PMM2: variants seen among roughly 807,000 people sequenced by gnomAD.
PMM2 encodes the protein phosphomannomutase 2.
A neutral mutation model predicts 33.2 loss-of-function variants in PMM2; 35 were observed. That is an observed-to-expected ratio of 1.06 (90% CI 0.81 to 1.40). PMM2 has a LOEUF of 1.40. PMM2 is among the 40% of genes most tolerant of loss of function. The pLI is 0.00. For synonymous variants in PMM2, 153 were observed against 114.7 expected (o/e 1.33, Z -2.13); for missense variants, 386 against 306.0 (o/e 1.26, Z -1.95).
chr16:8,804,031 G>GTTTTTTGTTTTTTTTTT (rs778630854), intron 2 of PMM2, among the ~76,000 whole-genome samples: 3 of 87,490 alleles, frequency 3.4e-5, no homozygotes, highest in Non-Finnish European at 6.9e-5. Flanking sequence ...GGTTTTTTTT[G>GTTTTTTGTTTTTTTTTT]TTTTTTTTTT....
At chr16:8,807,777 T>C (rs947427483) in intron 4 of PMM2, 7 of 152,438 alleles carry the variant, frequency 4.6e-5, no homozygotes, top group African/African-American at 1.7e-4. Context: ...TTACAGGCAT[T>C]AGCCACTGCC....
chr16:8,829,518 A>G (rs1358835085), intron 7 of PMM2, among the ~76,000 whole-genome samples: 1 of 152,224 alleles, frequency 6.6e-6, no homozygotes, highest in South Asian at 2.1e-4. Flanking sequence ...GCCAGAGCAG[A>G]GTACACATGA....
intron 7 of PMM2, among the ~76,000 whole-genome samples, chr16:8,827,718 G>GTATATA (rs1567164534): frequency 4.9e-4 from 21 of 42,820 alleles, no homozygotes; most frequent in African/African-American, 2.1e-3. Context: ...TTAAATGTGT[G>GTATATA]CATATATATA....
intron 7 of PMM2, among the ~76,000 whole-genome samples, chr16:8,837,605 A>G (rs977812901): frequency 1.3e-5 from 2 of 151,376 alleles, no homozygotes; most frequent in African/African-American, 4.9e-5. Flanking sequence ...GAGATATAAG[A>G]GATTGGGGCG....
chr16:8,840,343 G>A (rs903885378), intron 7 of PMM2, among the ~76,000 whole-genome samples: 2 of 151,990 alleles, frequency 1.3e-5, no homozygotes, highest in Non-Finnish European at 2.9e-5. Flanking sequence ...GTGGCAGTTT[G>A]GGGATAGCAC....
At position 8,836,378 on chromosome 16, in the gene PMM2, T is replaced by C. The variant is rs192813938; in HGVS notation, c.640-11346T>C. Reference sequence around the variant, plus strand: ...TGGCTGCCAGGTGAGTTGAACAGTCTGATTTTCATGGGGTCCCGCACAGAT... The same window carrying C: ...TGGCTGCCAGGTGAGTTGAACAGTCCGATTTTCATGGGGTCCCGCACAGAT... On this transcript the variant is annotated intron_variant, in intron 7 of 7. Transcript: ENST00000268261. Among the ~76,000 whole-genome samples, 171 of 152,100 alleles carry C rather than the reference T, an allele frequency of 1.1e-3. 1 individual carries two copies. The highest frequency in any genetic ancestry group is 4.0e-3 in the African/African-American group (165 of 41,532).
At chr16:8,833,405 T>G (rs2141039343) in intron 7 of PMM2, among the ~76,000 whole-genome samples, 1 of 152,328 alleles carries the variant, frequency 6.6e-6, no homozygotes, top group South Asian at 2.1e-4. Flanking sequence ...CTTCAGGCCA[T>G]CTGGATGTAT....
At chr16:8,808,275 T>C (rs1441307918) in intron 4 of PMM2, 2 of 152,142 alleles carry the variant, frequency 1.3e-5, no homozygotes, top group African/African-American at 4.8e-5. Flanking sequence ...TGTTTACTTT[T>C]GTGTGTGTTA....
At chr16:8,843,456 G>C (rs1168020593) in intron 7 of PMM2, among the ~76,000 whole-genome samples, 1 of 152,166 alleles carries the variant, frequency 6.6e-6, no homozygotes, top group Non-Finnish European at 1.5e-5. Context: ...TTTCCAGTGG[G>C]GTCCCGCACA....
At chr16:8,829,978 G>C (rs76819543) in intron 7 of PMM2, among the ~76,000 whole-genome samples, 6,923 of 152,336 alleles carry the variant, frequency 0.045, 234 homozygotes, top group Middle Eastern at 0.13. Flanking sequence ...CCACCTAATA[G>C]AGCTAGAGAT....
At chr16:8,802,125 T>G in intron 2 of PMM2, 1 of 546,720 alleles carries the variant, frequency 1.8e-6, no homozygotes, top group South Asian at 1.5e-5. Flanking sequence ...CTCAGATGTG[T>G]GAGTAGATTC....
At chr16:8,837,729 TC>T (rs1342317086) in intron 7 of PMM2, among the ~76,000 whole-genome samples, 1 of 151,978 alleles carries the variant, frequency 6.6e-6, no homozygotes, top group Non-Finnish European at 1.5e-5. Flanking sequence ...TACTTGCCTC[TC>T]CGCCAGAAAA....
At chr16:8,832,363 T>G in intron 7 of PMM2, 1 of 985,424 alleles carries the variant, frequency 1.0e-6, no homozygotes, top group Non-Finnish European at 1.2e-6. Context: ...TTCACCTTCC[T>G]GGATGGGAAT....
chr16:8,832,737 C>T, intron 7 of PMM2: 2 of 985,358 alleles, frequency 2.0e-6, no homozygotes, highest in Non-Finnish European at 2.4e-6. Flanking sequence ...TTGCAGGCTT[C>T]AGGCGGCTAC....
intron 1 of PMM2, 110 bp downstream of exon 1, chr16:8,798,058 A>G (rs2060589766): frequency 9.8e-7 from 1 of 1,022,094 alleles, no homozygotes; most frequent in Non-Finnish European, 1.5e-6. Flanking sequence ...AGGACCGCCT[A>G]CGTCCTCACG....
At chr16:8,828,280 T>C (rs2060790049) in intron 7 of PMM2, among the ~76,000 whole-genome samples, 1 of 151,944 alleles carries the variant, frequency 6.6e-6, no homozygotes, top group African/African-American at 2.4e-5. Flanking sequence ...AAAAGAAAAT[T>C]TAAGGCAGAT....
chr16:8,813,210 C>T lies in PMM2; in HGVS notation c.639+104C>T, dbSNP rs2060687784. On this transcript the variant is annotated intron_variant, in intron 7 of 7. Coordinates refer to ENST00000268261, the MANE Select transcript of PMM2 (RefSeq NM_000303.3). Reference sequence around the variant, plus strand: ...CTGTACCTACACTTTACCCACCCGCCCTGCTCAAACTGAGCAGTGGCTTCT... The same window carrying T: ...CTGTACCTACACTTTACCCACCCGCTCTGCTCAAACTGAGCAGTGGCTTCT... The T allele has an allele frequency of 3.8e-6, 3 of 794,968 alleles. No individual in the cohort carries two copies. In the South Asian group the frequency reaches 4.1e-5, roughly 11 times the overall value. The allele number at this position is 794,968 out of a possible 1,614,324, so 49.2% of individuals were successfully genotyped here.
chr16:8,809,331 T>C (rs564159935), intron 4 of PMM2: 4 of 152,372 alleles, frequency 2.6e-5, no homozygotes, highest in African/African-American at 9.6e-5. Context: ...GAAGACACTT[T>C]TCACTGCATA....
chr16:8,816,102 A>G (rs2060706746), intron 7 of PMM2, among the ~76,000 whole-genome samples: 1 of 152,008 alleles, frequency 6.6e-6, no homozygotes, highest in Admixed American at 6.6e-5. Context: ...AATGAGATAA[A>G]CCTCACACCT....
Sources: allele counts gnomAD v4.1 joint callset (sites outside exome capture counted in the v4.1 genomes callset), GRCh38; gene constraint gnomAD v4.1.1; transcripts MANE v1.5; gene names NCBI Gene and HGNC (gene_info 2026-07-23, HGNC 2026-07-21).